Variants in TP73 observed in about 807,000 individuals in gnomAD.
TP73 encodes tumor protein p73.
TP73 carries 25 observed loss-of-function variants against 62.5 expected under a neutral mutation model. That is an observed-to-expected ratio of 0.40 (90% CI 0.29 to 0.56). The LOEUF (loss-of-function observed/expected upper bound fraction) is 0.56. Among genes scored for constraint, TP73 ranks in the 20% least tolerant of loss-of-function variants. The pLI, the probability that TP73 is intolerant of heterozygous loss-of-function variation, is 0.46. For missense variants in TP73, 754 were observed against 913.3 expected (o/e 0.83, Z 2.25); for synonymous variants, 423 against 377.5 (o/e 1.12, Z -1.40).
rs926758382 is a variant in TP73, at chr1:3,662,658, A to T, written c.-34+10017A>T. The stretch of plus-strand genomic sequence containing the variant: ...TCGAAATAATGGATATACCCAAGGC[A>T]TGTTTGGGGTGGCACATTCTGCCCC... On this transcript the variant is annotated intron_variant, in intron 1 of 13. Transcript: ENST00000378295. The surrounding 1 kb of genome is among the most constrained non-coding windows in gnomAD (Gnocchi z 4.4). Among the ~76,000 whole-genome samples the T allele has an allele frequency of 7.9e-5, 12 of 152,188 alleles. No homozygotes were observed. The highest frequency in any genetic ancestry group is 1.3e-4 in the Non-Finnish European group (9 of 68,028).
intron 6 of TP73, among the ~76,000 whole-genome samples, chr1:3,726,189 G>T (rs1265717180): frequency 2.2e-5 from 3 of 136,872 alleles, no homozygotes; most frequent in African/African-American, 8.3e-5. Context: ...ATAAATGGGG[G>T]GAGTGGATGG....
In TP73 at chr1:3,727,587, G is replaced by A. The variant is rs776766053; in HGVS notation, c.843-41G>A. ...GGGAAGGTGGGCAGGTTGAGGGTGG[G>A]CAGGGTTGAGCTCACAATTCTGGCT... On this transcript the variant is annotated intron_variant, in intron 7 of 13. Coordinates refer to ENST00000378295, the MANE Select transcript of TP73 (RefSeq NM_005427.4). 6.4e-6 allele frequency: 10 copies of A among 1,574,386 alleles called. No homozygotes were observed. The South Asian group carries it at 7.0e-5, about 11-fold the overall frequency.
Position 3,727,704 on chromosome 1 carries a change from G to GACC in TP73, c.922_924dup (p.His308dup), listed in dbSNP as rs1469650149. 7.6e-6 allele frequency: 12 copies of GACC among 1,581,364 alleles called. No homozygotes were observed. In the Admixed American group the frequency reaches 1.6e-4, roughly 22 times the overall value. On this transcript the variant is annotated inframe_insertion, in exon 8 of 14. Coordinates refer to ENST00000378295, the MANE Select transcript of TP73 (RefSeq NM_005427.4). Reference sequence around the variant, plus strand: ...TGGCCGCGACCGAAAAGCTGATGAGGACCACTACCGGGAGCAGCAGGCCCT... The same window carrying GACC: ...TGGCCGCGACCGAAAAGCTGATGAGGACCACCACTACCGGGAGCAGCAGGCCCT...
Position 3,732,815 on chromosome 1 carries a change from G to A in TP73, c.1647G>A (p.Lys549=). The part of the protein sequence containing the change: ...MTIWRGLQDL[K]QGHDYSTAQQ... ...TCTGGCGGGGCCTGCAGGACCTGAA[G>A]CAGGGCCACGACTACAGCACCGCGC... The change falls in exon 14 of 14, where the codon AAG becomes AAA. Residue 549 remains lysine (K), a synonymous_variant. Transcript: ENST00000378295. The A allele has an allele frequency of 1.2e-6, 2 of 1,608,814 alleles. No homozygotes were observed. Among genetic ancestry groups the A allele is most frequent in the Non-Finnish European group, 1.7e-6 (2 of 1,176,990 alleles).
intron 6 of TP73, among the ~76,000 whole-genome samples, chr1:3,724,217 G>C (rs1329273689): frequency 6.6e-6 from 1 of 152,114 alleles, no homozygotes; most frequent in African/African-American, 2.4e-5. Flanking sequence ...GTTACTGCGG[G>C]ATGGTGGGGC....
At chr1:3,677,421 G>A (rs1321596538) in intron 1 of TP73, among the ~76,000 whole-genome samples, 1 of 152,126 alleles carries the variant, frequency 6.6e-6, no homozygotes, top group Non-Finnish European at 1.5e-5. Flanking sequence ...TGGAAGTTGG[G>A]GCAGGGTCGA....
rs756202341 is a variant in TP73, at chr1:3,722,214, G to C, written c.616+7G>C. 6.2e-7 allele frequency: 1 copy of C among 1,612,328 alleles called. No individual in the cohort carries two copies. The highest frequency in any genetic ancestry group is 8.5e-7 in the Non-Finnish European group (1 of 1,179,694). On this transcript the variant is annotated splice_region_variant and intron_variant, in intron 5 of 13. Transcript: ENST00000378295. ...GGGAGGGACTTCAACGAAGGTGAGG[G>C]CCCCCAGCTCCTCTGCCCACGGTGG...
chr1:3,722,703 T>C (rs184678334), intron 5 of TP73, among the ~76,000 whole-genome samples: 1 of 150,134 alleles, frequency 6.7e-6, no homozygotes, highest in Non-Finnish European at 1.5e-5. Context: ...GGTGGGCACC[T>C]CTCTGCACCT....
chr1:3,696,034 G>A lies in TP73; in HGVS notation c.187-11515G>A, dbSNP rs930677142. ...GCCGTGGCTGTGTTGGAGATGCCCG[G>A]CAGCCATTGCATAGCTGAGAAGGAG... On this transcript the variant is annotated intron_variant, in intron 3 of 13. Transcript: ENST00000378295. The surrounding 1 kb of genome is among the most constrained non-coding windows in gnomAD (Gnocchi z 4.1). Among the ~76,000 whole-genome samples, 2 of 152,218 alleles carry A rather than the reference G, an allele frequency of 1.3e-5. No individual in the cohort carries two copies. The highest frequency in any genetic ancestry group is 2.9e-5 in the Non-Finnish European group (2 of 68,034).
chr1:3,654,955 C>T (rs918520061), intron 1 of TP73, among the ~76,000 whole-genome samples: 11 of 152,340 alleles, frequency 7.2e-5, no homozygotes, highest in African/African-American at 2.2e-4. Context: ...AGAGAGGAGC[C>T]GCACACCCAC....
In TP73 at chr1:3,735,791, G is replaced by A. The variant is rs1642426215; in HGVS notation, c.*2712G>A. The A allele has an allele frequency of 6.6e-6, 1 of 152,198 alleles. No homozygotes were observed. Among genetic ancestry groups the A allele is most frequent in the South Asian group, 2.1e-4 (1 of 4,830 alleles). 9.4% of individuals were successfully genotyped at this position (152,198 alleles called of 1,614,324 possible). On this transcript the variant is annotated 3_prime_UTR_variant, in exon 14 of 14. Transcript: ENST00000378295. The stretch of plus-strand genomic sequence containing the variant: ...AAGGCAGAAGGAGCTCGCCAGGCAG[G>A]TCAGCTCACATCTGTCCAAGTCGCT...
At chr1:3,705,011 G>A (rs981877204) in intron 3 of TP73, among the ~76,000 whole-genome samples, 5 of 152,322 alleles carry the variant, frequency 3.3e-5, no homozygotes, top group South Asian at 2.1e-4. Flanking sequence ...CAGGAGAGGC[G>A]AGGGTCACCC....
chr1:3,733,001 C>T lies in TP73; in HGVS notation c.1833C>T (p.Asp611=), dbSNP rs1300096263. Residue 611 remains aspartate (D), a synonymous_variant, in exon 14 of 14, where the codon GAC becomes GAT. Coordinates refer to ENST00000378295, the MANE Select transcript of TP73 (RefSeq NM_005427.4). ...GCGGCGGCCCTGACGAGTGGGCGGA[C>T]TTCGGCTTCGACCTGCCCGACTGCA... ...GPGGGPDEWA[D]FGFDLPDCKA... The T allele has an allele frequency of 3.8e-6, 6 of 1,572,842 alleles. No homozygotes were observed. The highest frequency in any genetic ancestry group is 4.3e-6 in the Non-Finnish European group (5 of 1,163,524).
chr1:3,727,171 A>G lies in TP73; in HGVS notation c.789A>G (p.Val263=), dbSNP rs1641716745. The part of the protein sequence containing the change: ...LYNFMCNSSC[V]GGMNRRPILI... ...ACTTCATGTGTAACAGCAGCTGTGT[A>G]GGGGGCATGAACCGGCGGCCCATCC... is the stretch of plus-strand genomic sequence containing the variant. Residue 263 remains valine, a synonymous_variant, in exon 7 of 14, where the codon GTA becomes GTG. Coordinates refer to ENST00000378295, the MANE Select transcript of TP73 (RefSeq NM_005427.4). 1 of 1,612,194 alleles carries G rather than the reference A, an allele frequency of 6.2e-7. No individual in the cohort carries two copies.
intron 1 of TP73, among the ~76,000 whole-genome samples, chr1:3,678,108 G>A (rs1645416245): frequency 6.6e-6 from 1 of 152,172 alleles, no homozygotes; most frequent in African/African-American, 2.4e-5. Context: ...TATGAAATTG[G>A]TCTCCTTTCC....
chr1:3,687,499 G>A (rs1645691292), intron 3 of TP73, among the ~76,000 whole-genome samples: 1 of 152,238 alleles, frequency 6.6e-6, no homozygotes, highest in African/African-American at 2.4e-5. Context: ...CTGCAGTGCT[G>A]GGCCTGGGCT....
chr1:3,700,991 T>C (rs1639116822), intron 3 of TP73, among the ~76,000 whole-genome samples: 1 of 152,208 alleles, frequency 6.6e-6, no homozygotes, highest in African/African-American at 2.4e-5. Flanking sequence ...GCCCTCCACA[T>C]TCTGAGGAAG....
intron 4 of TP73, among the ~76,000 whole-genome samples, chr1:3,708,970 G>A (rs1639906553): frequency 6.6e-6 from 1 of 152,224 alleles, no homozygotes; most frequent in Admixed American, 6.5e-5. Flanking sequence ...GCTGAGCAAG[G>A]GGCCCCTCAG....
chr1:3,723,217 G>C (rs928070638), intron 5 of TP73, 137 bp from the exon 6 acceptor site: 5 of 665,432 alleles, frequency 7.5e-6, no homozygotes, highest in Non-Finnish European at 1.3e-5. Context: ...AACCTGGCAC[G>C]GGGCTGGGTA....
Sources: gnomAD v4.1 joint callset for allele counts (sites outside exome capture counted in the v4.1 genomes callset) on GRCh38, gnomAD v4.1.1 for gene constraint, Gnocchi (gnomAD v3.1) non-coding constraint, MANE v1.5 for transcripts, NCBI Gene and HGNC (gene_info 2026-07-23, HGNC 2026-07-21) for gene names.